ANAPC1: variants seen among roughly 807,000 people sequenced by gnomAD.
The protein encoded by ANAPC1 is anaphase-promoting complex subunit 1.
ANAPC1 carries 36 observed loss-of-function variants against 208.0 expected under a neutral mutation model. That is an observed-to-expected ratio of 0.17 (90% CI 0.13 to 0.23). The LOEUF is 0.23. ANAPC1 is among the 10% of genes least tolerant of loss of function. The probability of loss-of-function intolerance (pLI) is 1.00; values close to 1 mark genes in which losing one functional copy is unlikely to be tolerated. For synonymous variants in ANAPC1, 378 were observed against 695.2 expected (o/e 0.54, Z 7.18); for missense variants, 942 against 2,011.6 (o/e 0.47, Z 10.17).
chr2:111,828,190 A>G (rs917194801), intron 21 of ANAPC1, among the ~76,000 whole-genome samples: 19 of 152,354 alleles, frequency 1.2e-4, no homozygotes, highest in African/African-American at 3.1e-4. Flanking sequence ...GCTCAATATC[A>G]CTAAATTAAG....
chr2:111,857,028 T>C, intron 11 of ANAPC1, 142 bp from the exon 12 acceptor site: 1 of 586,994 alleles, frequency 1.7e-6, no homozygotes. Flanking sequence ...AAATGCCAAA[T>C]TATCAAGATG....
At chr2:111,847,568 T>C (rs549560270) in intron 15 of ANAPC1, among the ~76,000 whole-genome samples, 157 bp downstream of exon 15, 1 of 152,228 alleles carries the variant, frequency 6.6e-6, no homozygotes, top group Non-Finnish European at 1.5e-5. Context: ...GCAGAATTAC[T>C]GTATAGTAAA....
chr2:111,775,567 T>C (rs1227868823), intron 46 of ANAPC1, among the ~76,000 whole-genome samples: 15 of 152,252 alleles, frequency 9.9e-5, no homozygotes, highest in African/African-American at 2.9e-4. Context: ...ACATTTTTGA[T>C]AAATCTGTGT....
In ANAPC1 at chr2:111,838,319, A is replaced by C. The variant is rs537230753; in HGVS notation, c.2115+119T>G. On this transcript the variant is annotated intron_variant, in intron 18 of 47. Coordinates refer to ENST00000341068, the MANE Select transcript of ANAPC1 (RefSeq NM_022662.4). The stretch of plus-strand genomic sequence containing the variant: ...CAAAATAATTGCTATTCAGTATTAA[A>C]ATAAATAAAGTGAAAGGTGTTGGAA... 9 of 724,324 alleles carry C rather than the reference A, an allele frequency of 1.2e-5. No homozygotes were observed. In the Admixed American group the frequency reaches 3.2e-4, roughly 26 times the overall value. 44.9% of individuals were successfully genotyped at this position (724,324 alleles called of 1,614,324 possible). A position where few individuals can be genotyped will look rare whatever the true frequency, so the allele number is the denominator to read the frequency against.
chr2:111,878,858 C>G lies in ANAPC1; in HGVS notation c.327G>C (p.Gln109His). The change falls in exon 3 of 48, where the codon CAG becomes CAC. Residue 109 changes from glutamine (Q) to histidine (H), a missense_variant. By Grantham distance (24) the Gln-to-His change is conservative (BLOSUM62 0). Transcript: ENST00000341068. ...MVIWSKGSKS[Q>H]ALAVYKAFTV... Reference sequence around the variant, plus strand: ...TAAATGCTTTATAAACTGCCAATGCCTGGCTTTTACTTCCTTTGCTCCATA... The same window carrying G: ...TAAATGCTTTATAAACTGCCAATGCGTGGCTTTTACTTCCTTTGCTCCATA... The G allele has an allele frequency of 6.2e-7, 1 of 1,607,774 alleles. No homozygotes were observed. Among genetic ancestry groups the G allele is most frequent in the South Asian group, 1.1e-5 (1 of 90,278 alleles).
intron 35 of ANAPC1, 59 bp from the exon 36 acceptor site, chr2:111,794,382 A>G (rs1235758247): frequency 9.8e-7 from 1 of 1,025,118 alleles, no homozygotes; most frequent in Non-Finnish European, 1.5e-6. Context: ...TTAACTTGAA[A>G]TAAGTAACAA....
At chr2:111,872,744 G>A (rs772395071) in intron 5 of ANAPC1, 32 bp from the exon 6 acceptor site, 11 of 1,428,918 alleles carry the variant, frequency 7.7e-6, no homozygotes, top group Non-Finnish European at 1.1e-5. Flanking sequence ...AAAGATAGAA[G>A]TAAGAGAACC....
At chr2:111,782,282 G>A (rs190167549) in intron 43 of ANAPC1, 87 bp downstream of exon 43, 1 of 1,535,636 alleles carries the variant, frequency 6.5e-7, no homozygotes, top group Non-Finnish European at 8.8e-7. Flanking sequence ...AAAGGAAGCA[G>A]ATCCACCTTT....
Position 111,856,651 on chromosome 2 carries a change from C to T in ANAPC1, c.1478G>A (p.Gly493Asp), listed in dbSNP as rs760090422. ...EKIDTMLVLEGSGNLVLYTGV... is the reference protein window; with the variant it reads ...EKIDTMLVLEDSGNLVLYTGV... ...TGTGTATAGCACCAGGTTTCCACTG[C>T]CTTCCAAGACCAGCATGGTGTCTAT... The change falls in exon 13 of 48, where the codon GGC becomes GAC. Residue 493 changes from glycine (G) to aspartate (D), a missense_variant. Physicochemically the swap from Gly to Asp is moderately conservative, Grantham distance 94. Transcript: ENST00000341068. The T allele has an allele frequency of 5.6e-6, 9 of 1,613,900 alleles. No individual in the cohort carries two copies. The highest frequency in any genetic ancestry group is 7.6e-6 in the Non-Finnish European group (9 of 1,179,852).
At chr2:111,844,868 A>G (rs1317998477) in intron 16 of ANAPC1, among the ~76,000 whole-genome samples, 1 of 152,162 alleles carries the variant, frequency 6.6e-6, no homozygotes, top group African/African-American at 2.4e-5. Flanking sequence ...GTAAGGGGAA[A>G]CAGGGTCTTC....
chr2:111,818,532 A>T (rs955684698), intron 27 of ANAPC1, among the ~76,000 whole-genome samples: 1 of 151,200 alleles, frequency 6.6e-6, no homozygotes, highest in Non-Finnish European at 1.5e-5. Flanking sequence ...TATTAAACTT[A>T]AGATTATTTA....
At chr2:111,879,009 C>A in intron 2 of ANAPC1, 38 bp from the exon 3 acceptor site, 1 of 1,576,588 alleles carries the variant, frequency 6.3e-7, no homozygotes, top group Middle Eastern at 2.4e-4. Context: ...TTCAAGCACT[C>A]TTTTTTTGTT....
intron 6 of ANAPC1, among the ~76,000 whole-genome samples, chr2:111,870,346 C>A (rs917206137): frequency 2.0e-5 from 3 of 152,178 alleles, no homozygotes; most frequent in African/African-American, 7.2e-5. Flanking sequence ...AGTGTATAAG[C>A]ATTCCCCTTC....
Position 111,831,290 on chromosome 2 carries a change from A to C in ANAPC1, c.2621T>G (p.Val874Gly). ...PGICERSRLV[V>G]LSIALYILGD... is the part of the protein sequence containing the mutation. The stretch of plus-strand genomic sequence containing the variant: ...AGTAACACTCCACATACATACCAAG[A>C]CTACAAGTCTGCTTCTTTCACAGAT... Residue 874 changes from valine (V) to glycine (G), a missense_variant, in exon 21 of 48, where the codon GTC (valine) becomes GGC (glycine). Physicochemically the swap from Val to Gly is moderately radical, Grantham distance 109 (BLOSUM62 -3). Transcript: ENST00000341068. The C allele has an allele frequency of 6.2e-7, 1 of 1,607,218 alleles. No individual in the cohort carries two copies. Among genetic ancestry groups the C allele is most frequent in the Non-Finnish European group, 8.5e-7 (1 of 1,178,520 alleles).
rs1165638321 is a variant in ANAPC1, at chr2:111,873,302, G to C, written c.528+6C>G. The C allele has an allele frequency of 1.3e-6, 2 of 1,590,644 alleles. No homozygotes were observed. The highest frequency in any genetic ancestry group is 1.8e-5 in the Admixed American group (1 of 54,144). ...AACCCCCCCAAAATTTGAAACACTT[G>C]TTTACCTGAAATGGTAATGAAGCTA... is the stretch of plus-strand genomic sequence containing the variant. On this transcript the variant is annotated splice_donor_region_variant and intron_variant, in intron 5 of 47. Transcript: ENST00000341068.
chr2:111,800,329 G>A (rs1385070169), intron 34 of ANAPC1, among the ~76,000 whole-genome samples: 1 of 136,788 alleles, frequency 7.3e-6, no homozygotes, highest in Non-Finnish European at 1.6e-5. Flanking sequence ...TACAATATTC[G>A]GTTTTCAGTT....
Position 111,843,443 on chromosome 2 carries a change from T to G in ANAPC1, c.2009A>C (p.Tyr670Ser). ...FVTCLMNMMGYNTDRLAWTRN... is the reference protein window; with the variant it reads ...FVTCLMNMMGSNTDRLAWTRN... ...AGTCCATGCTAAGCGGTCTGTGTTA[T>G]AACCCATCATGTTCATGAGACAAGT... Residue 670 changes from tyrosine (Y) to serine (S), a missense_variant, in exon 17 of 48, where the codon TAT becomes TCT. Physicochemically the swap from Tyr to Ser is moderately radical, Grantham distance 144. Transcript: ENST00000341068. The G allele has an allele frequency of 6.8e-6, 11 of 1,612,016 alleles. No individual in the cohort carries two copies. The highest frequency in any genetic ancestry group is 9.3e-6 in the Non-Finnish European group (11 of 1,179,852).
chr2:111,849,904 T>G (rs1189701351), intron 14 of ANAPC1, among the ~76,000 whole-genome samples: 1 of 151,600 alleles, frequency 6.6e-6, no homozygotes, highest in African/African-American at 2.4e-5. Flanking sequence ...GCATTCAGAA[T>G]AAAACCACCT....
intron 16 of ANAPC1, among the ~76,000 whole-genome samples, chr2:111,843,840 T>TTTTTTG (rs1680904502): frequency 1.4e-5 from 2 of 147,780 alleles, no homozygotes; most frequent in Admixed American, 6.8e-5. Context: ...TTTTTTTTTT[T>TTTTTTG]TTGAGAGGGT....
Sources: gnomAD v4.1 joint callset for allele counts (sites outside exome capture counted in the v4.1 genomes callset) on GRCh38, gnomAD v4.1.1 for gene constraint, MANE v1.5 for transcripts, NCBI Gene and HGNC (gene_info 2026-07-23, HGNC 2026-07-21) for gene names.